Variants in TBL1XR1 observed in about 807,000 individuals in gnomAD.
TBL1XR1 encodes the protein TBL1X/Y related 1.
TBL1XR1 carries 5 observed loss-of-function variants against 66.9 expected under a neutral mutation model. That is an observed-to-expected ratio of 0.07 (90% CI 0.04 to 0.16). TBL1XR1 has a LOEUF of 0.16. Among genes scored for constraint, TBL1XR1 ranks in the 10% least tolerant of loss-of-function variants. The pLI is 1.00. For missense variants in TBL1XR1, 238 were observed against 623.2 expected, an observed-to-expected ratio of 0.38 and a Z score of 6.58; for synonymous variants, 210 against 206.0, an observed-to-expected ratio of 1.02 and a Z score of -0.17.
At chr3:177,035,864 C>T (rs905773781) in intron 12 of TBL1XR1, among the ~76,000 whole-genome samples, 2 of 152,164 alleles carry the variant, frequency 1.3e-5, no homozygotes, top group Admixed American at 6.5e-5. Context: ...CAGTTGCGAC[C>T]ATGGCCCTAT....
chr3:177,026,498 T>G, intron 14 of TBL1XR1, 24 bp from the exon 15 acceptor site: 1 of 1,519,710 alleles, frequency 6.6e-7, no homozygotes, highest in Non-Finnish European at 8.9e-7. Context: ...AAACAAAATC[T>G]TAAAAATCGT....
At chr3:177,033,213 TA>T in intron 13 of TBL1XR1, 77 bp from the exon 14 acceptor site, 1 of 1,287,826 alleles carries the variant, frequency 7.8e-7, no homozygotes, top group Non-Finnish European at 1.0e-6. Flanking sequence ...CAACCTCCCA[TA>T]TTCAGCCAAA....
At chr3:177,173,610 C>A (rs2108937310) in intron 1 of TBL1XR1, among the ~76,000 whole-genome samples, 1 of 152,154 alleles carries the variant, frequency 6.6e-6, no homozygotes, top group African/African-American at 2.4e-5. Context: ...TGTCACAGGT[C>A]AGAGGAGACT....
At chr3:177,087,726 C>T (rs1384465432) in intron 2 of TBL1XR1, among the ~76,000 whole-genome samples, 3 of 151,620 alleles carry the variant, frequency 2.0e-5, no homozygotes, top group South Asian at 2.1e-4. Flanking sequence ...ATCTTATCCA[C>T]TGGACGGATG....
At chr3:177,075,175 T>TATCCATC (rs1481381296) in intron 2 of TBL1XR1, among the ~76,000 whole-genome samples, 4 of 152,274 alleles carry the variant, frequency 2.6e-5, no homozygotes, top group Non-Finnish European at 5.9e-5. Flanking sequence ...AGAGTCGTTC[T>TATCCATC]ATCCATCTTC....
intron 1 of TBL1XR1, chr3:177,131,572 G>A (rs933017987): frequency 1.6e-5 from 3 of 183,596 alleles, no homozygotes; most frequent in African/African-American, 4.9e-5. Context: ...GTGCAGTGGC[G>A]TGATCTCGGC....
At chr3:177,196,784 G>A (rs964340153) in intron 1 of TBL1XR1, among the ~76,000 whole-genome samples, 2 of 151,922 alleles carry the variant, frequency 1.3e-5, no homozygotes, top group Non-Finnish European at 2.9e-5. Context: ...TGCACGAAGG[G>A]AGGAAGAGGG....
chr3:177,153,877 C>CAAAA (rs1007822226), intron 1 of TBL1XR1, among the ~76,000 whole-genome samples: 1 of 43,066 alleles, frequency 2.3e-5, no homozygotes, highest in Non-Finnish European at 4.9e-5. Flanking sequence ...AACTCCATCT[C>CAAAA]AAAAAAAAAA....
At chr3:177,100,999 G>T (rs1297347150) in intron 1 of TBL1XR1, among the ~76,000 whole-genome samples, 2 of 152,022 alleles carry the variant, frequency 1.3e-5, no homozygotes, top group Admixed American at 1.3e-4. Flanking sequence ...GGGACTACCG[G>T]CACGCGCCAC....
At chr3:177,123,507 A>C (rs1284546672) in intron 1 of TBL1XR1, among the ~76,000 whole-genome samples, 1 of 152,110 alleles carries the variant, frequency 6.6e-6, no homozygotes, top group Non-Finnish European at 1.5e-5. Flanking sequence ...TAAGCTCAAA[A>C]AGGTTTTCCT....
chr3:177,131,671 T>G (rs1378801247), intron 1 of TBL1XR1, among the ~76,000 whole-genome samples: 1 of 152,000 alleles, frequency 6.6e-6, no homozygotes, highest in Non-Finnish European at 1.5e-5. Context: ...CCGGCTAATT[T>G]TTGTATTCTC....
rs1490550803 is a variant in TBL1XR1 at position 177,023,234 on chromosome 3, G to GC, written c.*2263dup. On this transcript the variant is annotated 3_prime_UTR_variant, in exon 16 of 16. Transcript: ENST00000457928. ...TTTAAATTCAGTGCAATTGACAAAT[G>GC]CATCACTAAAGGAAAATGCAGCTTA... The GC allele has an allele frequency of 6.6e-6, 1 of 152,466 alleles. No individual in the cohort carries two copies. Among genetic ancestry groups the GC allele is most frequent in the African/African-American group, 2.4e-5 (1 of 41,422 alleles). 9.4% of individuals were successfully genotyped at this position (152,466 alleles called of 1,614,324 possible). A position where few individuals can be genotyped will look rare whatever the true frequency, so the allele number is the denominator to read the frequency against.
chr3:177,158,801 T>A (rs1731826601), intron 1 of TBL1XR1, among the ~76,000 whole-genome samples: 1 of 152,120 alleles, frequency 6.6e-6, no homozygotes, highest in Admixed American at 6.6e-5. Flanking sequence ...CCTAAGGCTA[T>A]ATAAACCCAA....
chr3:177,141,746 G>C (rs551777109), intron 1 of TBL1XR1, among the ~76,000 whole-genome samples: 4 of 152,320 alleles, frequency 2.6e-5, no homozygotes, highest in Admixed American at 6.5e-5. Flanking sequence ...TCTCAAAAGA[G>C]ATACTTGTAC....
upstream of TBL1XR1, among the ~76,000 whole-genome samples, chr3:177,197,750 C>A (rs1737096252): frequency 6.8e-6 from 1 of 146,636 alleles, no homozygotes; most frequent in African/African-American, 2.5e-5. Flanking sequence ...CTTCCCGGCC[C>A]GCTCTGGCGG....
rs1289902343 is a variant in TBL1XR1 at position 177,030,194 on chromosome 3, C to T, written c.1416+2777G>A. 2.0e-5 allele frequency among the ~76,000 whole-genome samples: 3 copies of T among 151,756 alleles called. No homozygotes were observed. The East Asian group carries it at 5.8e-4, about 29-fold the overall frequency. ...CGTTAGAGAAACTTTCATTCATGTG[C>T]ACAAGAAAACGTGGATGGATGTTCC... On this transcript the variant is annotated intron_variant, in intron 14 of 15. Coordinates refer to ENST00000457928, the MANE Select transcript of TBL1XR1 (RefSeq NM_024665.7).
At position 177,023,889 on chromosome 3, in the gene TBL1XR1, A is replaced by T. The variant is rs1179025226; in HGVS notation, c.*1609T>A. 1 of 152,120 alleles carries T rather than the reference A, an allele frequency of 6.6e-6. No homozygotes were observed. The highest frequency in any genetic ancestry group is 1.5e-5 in the Non-Finnish European group (1 of 67,936). 9.4% of individuals were successfully genotyped at this position (152,120 alleles called of 1,614,324 possible). A position where few individuals can be genotyped will look rare whatever the true frequency, so the allele number is the denominator to read the frequency against. On this transcript the variant is annotated 3_prime_UTR_variant, in exon 16 of 16. Coordinates refer to ENST00000457928, the MANE Select transcript of TBL1XR1 (RefSeq NM_024665.7). The stretch of plus-strand genomic sequence containing the variant: ...TCCTTAATTAAAATCTTCGAGATAT[A>T]AATTTGATGACTATTCTCTTCAGAA...
chr3:177,179,500 A>C (rs961004390), intron 1 of TBL1XR1, among the ~76,000 whole-genome samples: 2 of 152,236 alleles, frequency 1.3e-5, no homozygotes, highest in Non-Finnish European at 2.9e-5. Flanking sequence ...CTTAAGAGAT[A>C]AGTCATGGCA....
intron 1 of TBL1XR1, among the ~76,000 whole-genome samples, chr3:177,179,042 G>A (rs1057393526): frequency 2.0e-5 from 3 of 151,122 alleles, no homozygotes; most frequent in East Asian, 1.9e-4. Flanking sequence ...GCTTGAAGCC[G>A]GGAGGTGGCA....
Sources: gnomAD v4.1 joint callset for allele counts (sites outside exome capture counted in the v4.1 genomes callset) on GRCh38, gnomAD v4.1.1 for gene constraint, MANE v1.5 for transcripts, NCBI Gene and HGNC (gene_info 2026-07-23, HGNC 2026-07-21) for gene names.